The following CELF4 variants were observed in gnomAD, a reference collection of about 807,000 sequenced individuals.
CELF4 encodes CUG-BP- and ETR-3-like factor 4.
Under a neutral mutation model 59.9 loss-of-function variants are expected in CELF4, and 18 were observed. The observed-to-expected ratio is 0.30, with a 90% CI of 0.21 to 0.45. The LOEUF (loss-of-function observed/expected upper bound fraction) is 0.45. CELF4 is among the 20% of genes least tolerant of loss of function. CELF4 has a pLI of 1.00. For synonymous variants in CELF4, 261 were observed against 267.1 expected, an observed-to-expected ratio of 0.98 and a Z score of 0.22; for missense variants, 456 against 689.0, an observed-to-expected ratio of 0.66 and a Z score of 3.79.
intron 1 of CELF4, among the ~76,000 whole-genome samples, chr18:37,489,510 C>T (rs1342705560): frequency 1.3e-5 from 2 of 152,038 alleles, no homozygotes; most frequent in Non-Finnish European, 2.9e-5. Flanking sequence ...ATAGAACCCC[C>T]AGCTAGAACA....
intron 2 of CELF4, among the ~76,000 whole-genome samples, chr18:37,430,064 T>A (rs940346700): frequency 1.3e-5 from 2 of 152,304 alleles, no homozygotes; most frequent in South Asian, 4.1e-4. Flanking sequence ...ACAGTGCGGC[T>A]CTCACTGCCC....
At chr18:37,302,206 A>G (rs1168209812) in intron 3 of CELF4, among the ~76,000 whole-genome samples, 1 of 152,170 alleles carries the variant, frequency 6.6e-6, no homozygotes, top group Non-Finnish European at 1.5e-5. Flanking sequence ...GGATGGAGTT[A>G]CCTGTCCAAT....
At chr18:37,424,999 G>A (rs1364140988) in intron 2 of CELF4, among the ~76,000 whole-genome samples, 4 of 152,138 alleles carry the variant, frequency 2.6e-5, no homozygotes, top group South Asian at 2.1e-4. Flanking sequence ...TGGCCACTGT[G>A]GTCCCCAAGG....
intron 2 of CELF4, among the ~76,000 whole-genome samples, chr18:37,429,807 C>T (rs1463793305): frequency 6.6e-6 from 1 of 152,162 alleles, no homozygotes; most frequent in Non-Finnish European, 1.5e-5. Context: ...GAAAATAGAA[C>T]AACCTCATCA....
chr18:37,327,718 G>C (rs868625456), intron 2 of CELF4, among the ~76,000 whole-genome samples: 6 of 152,142 alleles, frequency 3.9e-5, no homozygotes, highest in Non-Finnish European at 7.4e-5. Context: ...ACTCTCCCTC[G>C]GGACAGCTGT....
In CELF4 at chr18:37,263,631, G is replaced by A. The variant is rs1034800284; in HGVS notation, c.1249+1043C>T. 4.6e-5 allele frequency among the ~76,000 whole-genome samples: 7 copies of A among 152,052 alleles called. No homozygotes were observed. The South Asian group carries it at 1.2e-3, about 27-fold the overall frequency. On this transcript the variant is annotated intron_variant, in intron 10 of 12. Coordinates refer to ENST00000420428, the MANE Select transcript of CELF4 (RefSeq NM_020180.4). Reference sequence around the variant, plus strand: ...TCCAGCCTCCTGTCTTCCTGCTTATGTGGGTACCTAGGCACTGGGATGGGA... The same window carrying A: ...TCCAGCCTCCTGTCTTCCTGCTTATATGGGTACCTAGGCACTGGGATGGGA...
At chr18:37,430,672 G>A (rs1054510240) in intron 2 of CELF4, among the ~76,000 whole-genome samples, 1 of 152,190 alleles carries the variant, frequency 6.6e-6, no homozygotes. Context: ...TGAGCAGAAT[G>A]GGGGGAGCAC....
rs558193517 is a variant in CELF4 at position 37,543,926 on chromosome 18, T to G, written c.286+21430A>C. Among the ~76,000 whole-genome samples, 7 of 152,120 alleles carry G rather than the reference T, an allele frequency of 4.6e-5. No homozygotes were observed. In the South Asian group the frequency reaches 1.0e-3, roughly 23 times the overall value. ...TGAAGCTTGGGGGACTCTGAGAGAC[T>G]GATGGGGCTGCAGCAGTTAGAGGCT... On this transcript the variant is annotated intron_variant, in intron 1 of 12. Coordinates refer to ENST00000420428, the MANE Select transcript of CELF4 (RefSeq NM_020180.4).
In CELF4 at chr18:37,307,288, C is replaced by T. The variant is rs1431033361; in HGVS notation, c.448+14515G>A. On this transcript the variant is annotated intron_variant, in intron 3 of 12. Transcript: ENST00000420428. ...GAAGGAGAAATCACAGCCCCACAGT[C>T]GTGGGGCAATCAGCACGCTCTGTGA... 4.6e-5 allele frequency among the ~76,000 whole-genome samples: 7 copies of T among 152,264 alleles called. No homozygotes were observed. In the South Asian group the frequency reaches 1.2e-3, roughly 27 times the overall value.
intron 1 of CELF4, among the ~76,000 whole-genome samples, chr18:37,559,387 A>G (rs1347456809): frequency 6.6e-6 from 1 of 152,004 alleles, no homozygotes; most frequent in African/African-American, 2.4e-5. Flanking sequence ...ATAGGTTTTC[A>G]CACCCTTTAG....
In CELF4 at chr18:37,513,716, G is replaced by C. The variant is rs551305913; in HGVS notation, c.287-28109C>G. ...ATTGTCCATGCTCATCCTGGTTCCA[G>C]CTCCTGGAATACCCTCCCTAGCACT... is the stretch of plus-strand genomic sequence containing the variant. On this transcript the variant is annotated intron_variant, in intron 1 of 12. Transcript: ENST00000420428. Among the ~76,000 whole-genome samples, 34 of 152,202 alleles carry C rather than the reference G, an allele frequency of 2.2e-4. 1 individual carries two copies. In the South Asian group the frequency reaches 7.1e-3, roughly 32 times the overall value.
intron 1 of CELF4, among the ~76,000 whole-genome samples, chr18:37,531,857 G>C (rs2099969874): frequency 6.6e-6 from 1 of 152,214 alleles, no homozygotes; most frequent in South Asian, 2.1e-4. Flanking sequence ...TGAGAGGGCA[G>C]GGCACTGGTC....
intron 3 of CELF4, among the ~76,000 whole-genome samples, chr18:37,318,439 A>C (rs1308568236): frequency 6.6e-6 from 1 of 151,680 alleles, no homozygotes; most frequent in Non-Finnish European, 1.5e-5. Context: ...TTAATCTTCT[A>C]AAATGTTCAC....
At chr18:37,293,870 G>C (rs1404720553) in intron 3 of CELF4, among the ~76,000 whole-genome samples, 1 of 150,622 alleles carries the variant, frequency 6.6e-6, no homozygotes, top group African/African-American at 2.5e-5. Context: ...AAAGAGCCTG[G>C]CACCCCAAAG....
intron 3 of CELF4, among the ~76,000 whole-genome samples, chr18:37,296,889 C>T (rs901903737): frequency 2.0e-5 from 3 of 152,180 alleles, no homozygotes; most frequent in African/African-American, 7.2e-5. Context: ...CCCCTTCACC[C>T]CCAAGGGCCA....
chr18:37,342,481 G>T (rs113258802), intron 2 of CELF4, among the ~76,000 whole-genome samples: 1 of 152,178 alleles, frequency 6.6e-6, no homozygotes, highest in Non-Finnish European at 1.5e-5. Flanking sequence ...CTCGGAGGGT[G>T]AGAGGCCTCT....
chr18:37,436,244 T>C lies in CELF4; in HGVS notation c.369+49281A>G, dbSNP rs1377789846. ...CTCCAGCACTGTATACCGATACGTT[T>C]GTTTAAGACGGTAACCACGAACTCG... On this transcript the variant is annotated intron_variant, in intron 2 of 12. Transcript: ENST00000420428. 2.0e-5 allele frequency among the ~76,000 whole-genome samples: 3 copies of C among 152,118 alleles called. No homozygotes were observed. In the East Asian group the frequency reaches 5.8e-4, roughly 29 times the overall value.
At chr18:37,528,753 C>G (rs1420994670) in intron 1 of CELF4, among the ~76,000 whole-genome samples, 2 of 152,068 alleles carry the variant, frequency 1.3e-5, no homozygotes, top group Non-Finnish European at 2.9e-5. Flanking sequence ...CCCCTTTGCA[C>G]GTGTTACTGA....
chr18:37,424,243 A>G (rs1313937948), intron 2 of CELF4, among the ~76,000 whole-genome samples: 1 of 152,156 alleles, frequency 6.6e-6, no homozygotes. Context: ...CTTATCTAAC[A>G]TGCTGGTAGA....
Sources: gnomAD v4.1 joint callset for allele counts (sites outside exome capture counted in the v4.1 genomes callset) on GRCh38, gnomAD v4.1.1 for gene constraint, MANE v1.5 for transcripts, NCBI Gene and HGNC (gene_info 2026-07-23, HGNC 2026-07-21) for gene names.